Variants in PKHD1L1 observed in about 807,000 individuals in gnomAD.
The protein encoded by PKHD1L1 is fibrocystin-L.
A neutral mutation model predicts 462.9 loss-of-function variants in PKHD1L1; 434 were observed. The observed-to-expected ratio is 0.94, with a 90% confidence interval of 0.87 to 1.02. The LOEUF (loss-of-function observed/expected upper bound fraction) is 1.02, where lower values mean the gene tolerates loss of function less well. PKHD1L1 is among the 50% of genes least tolerant of loss of function. The probability of loss-of-function intolerance (pLI) is 0.00; values close to 1 mark genes in which losing one functional copy is unlikely to be tolerated. For missense variants in PKHD1L1, 5,202 were observed against 5,096.1 expected (o/e 1.02, Z -0.63); for synonymous variants, 1,781 against 1,750.0 (o/e 1.02, Z -0.44).
In PKHD1L1 at chr8:109,362,534, A is replaced by G. The variant is rs1435384392; in HGVS notation, c.-47A>G. On this transcript the variant is annotated 5_prime_UTR_variant, in exon 1 of 78. Transcript: ENST00000378402. ...CCCAGGAGCCGAGCTCCAGCACTAG[A>G]GCCAGCTGCGAGCGGAGGGCACCAA... The G allele has an allele frequency of 1.3e-6, 2 of 1,529,454 alleles. No individual in the cohort carries two copies. The highest frequency in any genetic ancestry group is 1.8e-6 in the Non-Finnish European group (2 of 1,124,020). The allele number at this position is 1,529,454 out of a possible 1,614,324, so 94.7% of individuals were successfully genotyped here.
rs890251950 is a variant in PKHD1L1, at chr8:109,535,474, T to A, written c.*5384T>A. On this transcript the variant is annotated 3_prime_UTR_variant, in exon 78 of 78. Transcript: ENST00000378402. ...TAAGAACTACGTACAAAATATAGAT[T>A]TAAATTAATTTTCACTGTATGAAAT... Among the ~76,000 whole-genome samples, 1 of 152,194 alleles carries A rather than the reference T, an allele frequency of 6.6e-6. No individual in the cohort carries two copies. The highest frequency in any genetic ancestry group is 2.1e-4 in the South Asian group (1 of 4,822).
At chr8:109,413,301 T>C (rs1231005279) in intron 20 of PKHD1L1, 120 bp from the exon 21 acceptor site, 2 of 659,456 alleles carry the variant, frequency 3.0e-6, no homozygotes, top group Admixed American at 4.2e-5. Flanking sequence ...CTCTGTGTTC[T>C]GGTACGTTTT....
chr8:109,432,057 A>G (rs568913245), intron 27 of PKHD1L1, among the ~76,000 whole-genome samples: 8 of 152,296 alleles, frequency 5.3e-5, no homozygotes, highest in African/African-American at 1.9e-4. Flanking sequence ...TTAGTAATGT[A>G]CATGATCATC....
intron 23 of PKHD1L1, 38 bp from the exon 24 acceptor site, chr8:109,425,047 A>G (rs1177543553): frequency 2.0e-6 from 3 of 1,472,844 alleles, no homozygotes; most frequent in Admixed American, 2.3e-5. Context: ...GCCATTGTTA[A>G]GTTTAATCAT....
chr8:109,461,001 C>T (rs1244680508), intron 47 of PKHD1L1, among the ~76,000 whole-genome samples: 1 of 152,130 alleles, frequency 6.6e-6, no homozygotes, highest in Non-Finnish European at 1.5e-5. Flanking sequence ...CTATGCCTAA[C>T]TTGAAGAGAG....
chr8:109,502,213 T>C (rs1239449948), intron 67 of PKHD1L1, among the ~76,000 whole-genome samples: 2 of 152,148 alleles, frequency 1.3e-5, no homozygotes, highest in Admixed American at 6.5e-5. Context: ...TCACAACATG[T>C]CATGGAAATT....
intron 10 of PKHD1L1, 78 bp from the exon 11 acceptor site, chr8:109,395,949 T>C: frequency 1.0e-6 from 1 of 972,712 alleles, no homozygotes; most frequent in East Asian, 2.6e-5. Context: ...GCTAGGTAAT[T>C]TGGAATTTTT....
Position 109,533,538 on chromosome 8 carries a change from C to G in PKHD1L1, c.*3448C>G, listed in dbSNP as rs1435160039. On this transcript the variant is annotated 3_prime_UTR_variant, in exon 78 of 78. Transcript: ENST00000378402. Reference sequence around the variant, plus strand: ...AAAGACAATTTCCCAGCTTCACTTGCAGTGAGACTGATCAATTTCTGTGCA... The same window carrying G: ...AAAGACAATTTCCCAGCTTCACTTGGAGTGAGACTGATCAATTTCTGTGCA... Among the ~76,000 whole-genome samples the G allele has an allele frequency of 6.6e-6, 1 of 152,208 alleles. No homozygotes were observed. Among genetic ancestry groups the G allele is most frequent in the Non-Finnish European group, 1.5e-5 (1 of 68,032 alleles).
intron 2 of PKHD1L1, among the ~76,000 whole-genome samples, chr8:109,371,333 C>A (rs1264928148): frequency 1.3e-5 from 2 of 152,028 alleles, no homozygotes; most frequent in Non-Finnish European, 2.9e-5. Context: ...TATCCTTTGC[C>A]CACTTTTTGA....
At chr8:109,473,825 G>A (rs887061963) in intron 50 of PKHD1L1, among the ~76,000 whole-genome samples, 14 of 152,052 alleles carry the variant, frequency 9.2e-5, no homozygotes, top group Admixed American at 5.9e-4. Flanking sequence ...ACATGTACTC[G>A]TTCCAGGTGT....
At position 109,515,519 on chromosome 8, in the gene PKHD1L1, T is replaced by A. The variant is rs185141072; in HGVS notation, c.11689+214T>A. ...AATGGAACTTATTTATCTGTGCACA[T>A]GCAGATATGAGTTTTTGTTTATCAT... On this transcript the variant is annotated intron_variant, in intron 72 of 77. Coordinates refer to ENST00000378402, the MANE Select transcript of PKHD1L1 (RefSeq NM_177531.6). Among the ~76,000 whole-genome samples, 654 of 152,270 alleles carry A rather than the reference T, an allele frequency of 4.3e-3. 6 individuals are homozygous for A. Among genetic ancestry groups the A allele is most frequent in the Non-Finnish European group, 5.9e-3 (402 of 67,986 alleles).
rs184926633 is a variant in PKHD1L1 at position 109,371,087 on chromosome 8, C to T, written c.163+6451C>T. Among the ~76,000 whole-genome samples, 582 of 152,338 alleles carry T rather than the reference C, an allele frequency of 3.8e-3. 2 individuals are homozygous for T. The highest frequency in any genetic ancestry group is 0.013 in the African/African-American group (540 of 41,578). On this transcript the variant is annotated intron_variant, in intron 2 of 77. Coordinates refer to ENST00000378402, the MANE Select transcript of PKHD1L1 (RefSeq NM_177531.6). ...CCCTGAGGAATCGCCACACTGACTT[C>T]CGCAATGGTTGAACTAGTTTACACT...
intron 50 of PKHD1L1, 127 bp downstream of exon 50, chr8:109,466,896 C>A: frequency 1.2e-6 from 1 of 854,124 alleles, no homozygotes; most frequent in Non-Finnish European, 1.8e-6. Flanking sequence ...TATTAGAGTC[C>A]AAGCAGGAAA....
chr8:109,451,527 A>G (rs1267368404), intron 41 of PKHD1L1, among the ~76,000 whole-genome samples: 1 of 152,196 alleles, frequency 6.6e-6, no homozygotes, highest in African/African-American at 2.4e-5. Context: ...GCTTCATTGG[A>G]TCAAAGAAAC....
chr8:109,393,594 T>C (rs1253634855), intron 9 of PKHD1L1, among the ~76,000 whole-genome samples: 1 of 152,158 alleles, frequency 6.6e-6, no homozygotes, highest in Non-Finnish European at 1.5e-5. Flanking sequence ...TACTGTGTAA[T>C]ACACACGTGA....
At chr8:109,520,183 T>C (rs1287705763) in intron 73 of PKHD1L1, among the ~76,000 whole-genome samples, 1 of 152,126 alleles carries the variant, frequency 6.6e-6, no homozygotes, top group Non-Finnish European at 1.5e-5. Context: ...CGATGTTCTC[T>C]GCCCAGAGTA....
In PKHD1L1 at chr8:109,530,992, A is replaced by T. The variant is rs112101567; in HGVS notation, c.*902A>T. On this transcript the variant is annotated 3_prime_UTR_variant, in exon 78 of 78. Transcript: ENST00000378402. Reference sequence around the variant, plus strand: ...AGACTAAGGTAGCTAAGTTAACCGAACTCTCTAACAGTATTGAAAATAGCA... The same window carrying T: ...AGACTAAGGTAGCTAAGTTAACCGATCTCTCTAACAGTATTGAAAATAGCA... Among the ~76,000 whole-genome samples the T allele has an allele frequency of 1.3e-3, 202 of 152,274 alleles. 1 individual carries two copies. The highest frequency in any genetic ancestry group is 4.6e-3 in the African/African-American group (193 of 41,558).
intron 21 of PKHD1L1, 109 bp from the exon 22 acceptor site, chr8:109,418,988 G>A (rs7016609): frequency 6.1e-6 from 6 of 977,648 alleles, no homozygotes; most frequent in Admixed American, 5.6e-5. Context: ...CCTGATGGTC[G>A]TCTTGTGGGA....
chr8:109,452,346 T>G, intron 42 of PKHD1L1, 66 bp downstream of exon 42: 1 of 1,339,800 alleles, frequency 7.5e-7, no homozygotes, highest in Non-Finnish European at 9.8e-7. Flanking sequence ...GGTGGGCTAA[T>G]TGGTAATTGT....
Sources: allele counts gnomAD v4.1 joint callset (sites outside exome capture counted in the v4.1 genomes callset), GRCh38; gene constraint gnomAD v4.1.1; transcripts MANE v1.5; gene names NCBI Gene and HGNC (gene_info 2026-07-23, HGNC 2026-07-21).